The following CACNA1A variants were observed in gnomAD, a reference collection of about 807,000 sequenced individuals.
CACNA1A encodes the protein voltage-dependent P/Q-type calcium channel subunit alpha-1A.
CACNA1A carries 57 observed loss-of-function variants against 262.4 expected under a neutral mutation model. The ratio of observed to expected loss-of-function variants is 0.22; its 90% CI spans 0.18 to 0.27. The LOEUF (loss-of-function observed/expected upper bound fraction) is 0.27, where lower values mean the gene tolerates loss of function less well. CACNA1A is among the 10% of genes least tolerant of loss of function. The probability of loss-of-function intolerance (pLI) is 1.00; values close to 1 mark genes in which losing one functional copy is unlikely to be tolerated. For synonymous variants in CACNA1A, 1,431 were observed against 1,419.3 expected (o/e 1.01, Z -0.18); for missense variants, 2,526 against 3,562.8 (o/e 0.71, Z 7.41).
Position 13,299,118 on chromosome 19 carries a change from G to C in CACNA1A, c.2515C>G (p.Arg839Gly), listed in dbSNP as rs1363229294. ...ENRNNNTNKS[R>G]AAEPTVDQRL... ...TGGTCCACGGTGGGCTCGGCCGCCCGGCTCTTGTTGGTGTTGTTGTTGCGG... is the reference window on the plus strand; with the variant it reads ...TGGTCCACGGTGGGCTCGGCCGCCCCGCTCTTGTTGGTGTTGTTGTTGCGG... The change falls in exon 19 of 47, where the codon CGG becomes GGG. Residue 839 changes from arginine to glycine, a missense_variant. Transcript: ENST00000360228. The C allele has an allele frequency of 6.2e-7, 1 of 1,612,742 alleles. No homozygotes were observed. Among genetic ancestry groups the C allele is most frequent in the Non-Finnish European group, 8.5e-7 (1 of 1,179,748 alleles).
intron 10 of CACNA1A, among the ~76,000 whole-genome samples, chr19:13,318,359 T>G (rs2058171120): frequency 6.6e-6 from 1 of 151,992 alleles, no homozygotes; most frequent in South Asian, 2.1e-4. Flanking sequence ...GTGGAGTGGT[T>G]GAGGGGAAAA....
At chr19:13,210,813 A>G (rs1391332132) in intron 43 of CACNA1A, 161 bp from the exon 44 acceptor site, 1 of 782,036 alleles carries the variant, frequency 1.3e-6, no homozygotes, top group African/African-American at 1.7e-5. Flanking sequence ...CAGGGAGGAA[A>G]AGAAAAGTTA....
In CACNA1A at chr19:13,429,983, G is replaced by A. The variant is rs1166850443; in HGVS notation, c.539+22893C>T. Reference sequence around the variant, plus strand: ...TGGGGGAGTGGGGAGTGTGGAGTAGGGTGGGGGGAGTGGGGAGGGGGGAAG... The same window carrying A: ...TGGGGGAGTGGGGAGTGTGGAGTAGAGTGGGGGGAGTGGGGAGGGGGGAAG... On this transcript the variant is annotated intron_variant, in intron 3 of 46. Transcript: ENST00000360228. 2.2e-3 allele frequency among the ~76,000 whole-genome samples: 275 copies of A among 123,956 alleles called. 1 individual carries two copies. The highest frequency in any genetic ancestry group is 8.2e-3 in the African/African-American group (265 of 32,480). 81.3% of individuals were successfully genotyped at this position (123,956 alleles called of 152,430 possible).
chr19:13,475,357 T>G (rs1371998602), intron 1 of CACNA1A, among the ~76,000 whole-genome samples: 2 of 152,212 alleles, frequency 1.3e-5, no homozygotes, highest in Non-Finnish European at 2.9e-5. Flanking sequence ...TCTCCAGCAC[T>G]TACTTTGAGA....
intron 6 of CACNA1A, among the ~76,000 whole-genome samples, chr19:13,349,267 C>A (rs2058858089): frequency 6.6e-6 from 1 of 152,164 alleles, no homozygotes; most frequent in Admixed American, 6.5e-5. Flanking sequence ...GCCAGGCACA[C>A]AGAAGCCCTC....
intron 5 of CACNA1A, among the ~76,000 whole-genome samples, chr19:13,360,330 G>C (rs893212123): frequency 6.6e-6 from 1 of 150,546 alleles, no homozygotes; most frequent in African/African-American, 2.4e-5. Context: ...CGGGGGGAGA[G>C]AGAGAGCGAG....
At chr19:13,284,893 T>C (rs950534893) in intron 21 of CACNA1A, among the ~76,000 whole-genome samples, 175 bp downstream of exon 21, 1 of 152,208 alleles carries the variant, frequency 6.6e-6, no homozygotes, top group Non-Finnish European at 1.5e-5. Flanking sequence ...ACAAAGTATA[T>C]TGTGACAAAT....
At chr19:13,497,554 AT>A (rs1568709884) in intron 1 of CACNA1A, among the ~76,000 whole-genome samples, 1,799 of 62,598 alleles carry the variant, frequency 0.029, 532 homozygotes, top group Non-Finnish European at 0.036. Context: ...ATATATATAT[AT>A]ATATATATAT....
intron 35 of CACNA1A, among the ~76,000 whole-genome samples, chr19:13,230,604 A>G (rs891593951): frequency 6.6e-6 from 1 of 151,922 alleles, no homozygotes; most frequent in African/African-American, 2.4e-5. Flanking sequence ...CAGGAGTTTG[A>G]GACCAGCCTG....
intron 3 of CACNA1A, among the ~76,000 whole-genome samples, chr19:13,397,981 G>A (rs1216807174): frequency 1.3e-5 from 2 of 151,232 alleles, no homozygotes; most frequent in Non-Finnish European, 2.9e-5. Flanking sequence ...TTTTTTTTTG[G>A]CCAGGCACGG....
At chr19:13,342,332 T>C (rs2058688931) in intron 6 of CACNA1A, among the ~76,000 whole-genome samples, 1 of 152,142 alleles carries the variant, frequency 6.6e-6, no homozygotes, top group Admixed American at 6.5e-5. Context: ...GGGTCACAGA[T>C]CTCTTCTCCT....
chr19:13,375,310 C>T (rs1195650466), intron 3 of CACNA1A, among the ~76,000 whole-genome samples: 1 of 152,088 alleles, frequency 6.6e-6, no homozygotes, highest in East Asian at 1.9e-4. Flanking sequence ...ACCAACTGGC[C>T]ATTTCCCCAT....
intron 3 of CACNA1A, among the ~76,000 whole-genome samples, chr19:13,448,258 A>G (rs1231936268): frequency 6.6e-6 from 1 of 152,198 alleles, no homozygotes; most frequent in East Asian, 1.9e-4. Context: ...ATGCAGAAAC[A>G]GAAAACCAAA....
chr19:13,440,167 C>G (rs1348598175), intron 3 of CACNA1A, among the ~76,000 whole-genome samples: 3 of 152,136 alleles, frequency 2.0e-5, no homozygotes, highest in Non-Finnish European at 4.4e-5. Flanking sequence ...CTATGTTGCC[C>G]AGTCTGGTCT....
At chr19:13,320,237 C>A (rs5827187) in intron 10 of CACNA1A, among the ~76,000 whole-genome samples, 1,949 of 127,238 alleles carry the variant, frequency 0.015, 45 homozygotes, top group African/African-American at 0.042. Flanking sequence ...TTCCACAGAT[C>A]GAGAGAGAGA....
chr19:13,349,157 G>A (rs933666150), intron 6 of CACNA1A, among the ~76,000 whole-genome samples: 7 of 152,116 alleles, frequency 4.6e-5, no homozygotes, highest in African/African-American at 1.7e-4. Context: ...GGCAGGTCAC[G>A]TCACCCTGTG....
At chr19:13,449,248 G>A (rs1012036789) in intron 3 of CACNA1A, among the ~76,000 whole-genome samples, 1 of 151,736 alleles carries the variant, frequency 6.6e-6, no homozygotes, top group African/African-American at 2.4e-5. Flanking sequence ...GCTTACAAGT[G>A]TGAGCCATCA....
chr19:13,380,765 A>G (rs1176654182), intron 3 of CACNA1A, among the ~76,000 whole-genome samples: 28 of 144,766 alleles, frequency 1.9e-4, no homozygotes, highest in East Asian at 8.1e-4. Context: ...TTATTTATTT[A>G]TTTATTTATT....
intron 26 of CACNA1A, chr19:13,259,923 T>C: frequency 1.9e-6 from 1 of 521,514 alleles, no homozygotes; most frequent in Non-Finnish European, 3.5e-6. Flanking sequence ...GGCACAACCT[T>C]ACTCCTGGTG....
Sources: allele counts gnomAD v4.1 joint callset (sites outside exome capture counted in the v4.1 genomes callset), GRCh38; gene constraint gnomAD v4.1.1; transcripts MANE v1.5; gene names NCBI Gene and HGNC (gene_info 2026-07-23, HGNC 2026-07-21).